RNF149: variants seen among roughly 807,000 people sequenced by gnomAD.
RNF149 encodes the protein E3 ubiquitin-protein ligase RNF149.
Under a neutral mutation model 39.0 loss-of-function variants are expected in RNF149, and 21 were observed. The observed-to-expected ratio is 0.54, with a 90% CI of 0.38 to 0.77. The LOEUF is 0.77. Ranked by LOEUF, RNF149 falls within the 30% of genes least tolerant of loss-of-function variation. The pLI, the probability that RNF149 is intolerant of heterozygous loss-of-function variation, is 0.00. For synonymous variants in RNF149, 209 were observed against 213.6 expected, an observed-to-expected ratio of 0.98 and a Z score of 0.19; for missense variants, 493 against 534.9, an observed-to-expected ratio of 0.92 and a Z score of 0.77.
At chr2:101,290,924 A>T (rs1169059844) in intron 3 of RNF149, among the ~76,000 whole-genome samples, 2 of 152,198 alleles carry the variant, frequency 1.3e-5, no homozygotes, top group Non-Finnish European at 2.9e-5. Context: ...CCAGGGCCAC[A>T]GTGGCCATCT....
chr2:101,308,598 G>A lies in RNF149; in HGVS notation c.-10C>T, dbSNP rs1433108955. 1.3e-6 allele frequency: 2 copies of A among 1,531,124 alleles called. No homozygotes were observed. The highest frequency in any genetic ancestry group is 2.1e-5 in the Admixed American group (1 of 47,416). The allele number at this position is 1,531,124 out of a possible 1,614,324, so 94.8% of individuals were successfully genotyped here. On this transcript the variant is annotated 5_prime_UTR_variant, in exon 1 of 7. Coordinates refer to ENST00000295317, the MANE Select transcript of RNF149 (RefSeq NM_173647.4). ...GCCGCCGCCACGCCATGGCAGCACC[G>A]CTGAGCTGACTAGGGGGAGTCAGGG... is the stretch of plus-strand genomic sequence containing the variant.
intron 3 of RNF149, among the ~76,000 whole-genome samples, chr2:101,292,504 C>T (rs1453292576): frequency 1.3e-5 from 2 of 152,122 alleles, no homozygotes; most frequent in Non-Finnish European, 2.9e-5. Flanking sequence ...TGGTGGCTCA[C>T]GCCTGTAATC....
chr2:101,302,615 G>A (rs964790224), intron 1 of RNF149, among the ~76,000 whole-genome samples: 3 of 152,088 alleles, frequency 2.0e-5, no homozygotes, highest in Admixed American at 6.6e-5. Flanking sequence ...CTGCCACTCA[G>A]AATGTCCTAT....
In RNF149 at chr2:101,276,495, CT is replaced by C; in HGVS notation, c.*742del. On this transcript the variant is annotated 3_prime_UTR_variant, in exon 7 of 7. Transcript: ENST00000295317. ...ATATAACAGATTCTGAGTCTGCCTA[CT>C]CATTTTCCTTAACAAGGCAATGAAG... 3.0e-6 allele frequency: 3 copies of C among 985,740 alleles called. No individual in the cohort carries two copies. The highest frequency in any genetic ancestry group is 3.6e-6 in the Non-Finnish European group (3 of 829,836). 61.1% of individuals were successfully genotyped at this position (985,740 alleles called of 1,614,324 possible).
intron 3 of RNF149, among the ~76,000 whole-genome samples, chr2:101,290,859 T>C (rs1682981154): frequency 6.6e-6 from 1 of 152,170 alleles, no homozygotes; most frequent in Non-Finnish European, 1.5e-5. Context: ...CCCTCCCTAC[T>C]TCTCTGGCTA....
At chr2:101,273,063 A>C (rs1682195979), downstream of RNF149, 1 of 1,357,642 alleles carries the variant, frequency 7.4e-7, no homozygotes, top group Non-Finnish European at 9.8e-7. Flanking sequence ...TGGAGGGAGC[A>C]GTCTTCTGGG....
intron 6 of RNF149, among the ~76,000 whole-genome samples, chr2:101,279,682 A>T (rs1313712087): frequency 6.6e-6 from 1 of 152,218 alleles, no homozygotes; most frequent in Non-Finnish European, 1.5e-5. Context: ...CTACAATTTT[A>T]TAATTCTCTG....
intron 1 of RNF149, among the ~76,000 whole-genome samples, chr2:101,296,725 A>C (rs550276508): frequency 1.3e-5 from 2 of 152,120 alleles, no homozygotes; most frequent in Admixed American, 6.6e-5. Context: ...TAAATTAAAG[A>C]CTTAAGTGTA....
intron 2 of RNF149, chr2:101,294,324 T>C (rs1411564905): frequency 1.6e-5 from 6 of 367,598 alleles, no homozygotes; most frequent in South Asian, 3.5e-5. Flanking sequence ...AACAGCCATA[T>C]GTAACTTTAA....
intron 1 of RNF149, among the ~76,000 whole-genome samples, chr2:101,296,642 G>C (rs1419806199): frequency 6.6e-6 from 1 of 152,110 alleles, no homozygotes; most frequent in African/African-American, 2.4e-5. Flanking sequence ...TGGGGCAACT[G>C]GGTATCATCA....
chr2:101,292,617 T>A (rs1683059043), intron 3 of RNF149, among the ~76,000 whole-genome samples: 1 of 151,944 alleles, frequency 6.6e-6, no homozygotes, highest in African/African-American at 2.4e-5. Flanking sequence ...ATACAAAAAA[T>A]TAGCTGGGCG....
At chr2:101,298,134 T>C (rs1683313722) in intron 1 of RNF149, among the ~76,000 whole-genome samples, 2 of 152,168 alleles carry the variant, frequency 1.3e-5, no homozygotes, top group African/African-American at 2.4e-5. Flanking sequence ...GAGGTATCTA[T>C]AAAGATTTAC....
intron 1 of RNF149, among the ~76,000 whole-genome samples, chr2:101,295,681 T>C (rs1392526122): frequency 6.9e-6 from 1 of 144,256 alleles, no homozygotes; most frequent in African/African-American, 2.6e-5. Flanking sequence ...AAAAAAGAAC[T>C]ATTCCCCCAA....
Position 101,277,269 on chromosome 2 carries a change from C to T in RNF149, c.1172G>A (p.Ser391Asn). 1.2e-6 allele frequency: 2 copies of T among 1,613,050 alleles called. No homozygotes were observed. The highest frequency in any genetic ancestry group is 8.5e-7 in the Non-Finnish European group (1 of 1,179,518). The stretch of plus-strand genomic sequence containing the variant: ...GATGGGTCCTCCATGCCGAGAGTCA[C>T]TCCTGCCGGCTTCTGCAAGAGAGCA... ...ENTALLEAGR[S>N]DSRHGGPIS is the part of the protein sequence containing the mutation. The change falls in exon 7 of 7, where the codon AGT becomes AAT. Residue 391 changes from serine to asparagine, a missense_variant. By Grantham distance (46) the Ser-to-Asn change is conservative. Coordinates refer to ENST00000295317, the MANE Select transcript of RNF149 (RefSeq NM_173647.4).
rs1683636711 is a variant in RNF149, at chr2:101,305,854, T to A, written c.460+2275A>T. On this transcript the variant is annotated intron_variant, in intron 1 of 6. Transcript: ENST00000295317. ...TTCCTCATCTGTATGTACTCCGTGA[T>A]CAAATACCTTCCTTAAAGGCTGTTG... Among the ~76,000 whole-genome samples, 7 of 152,348 alleles carry A rather than the reference T, an allele frequency of 4.6e-5. No individual in the cohort carries two copies. The South Asian group carries it at 1.4e-3, about 32-fold the overall frequency.
At chr2:101,306,735 AGTTGTC>A (rs1405956481) in intron 1 of RNF149, among the ~76,000 whole-genome samples, 10 of 152,204 alleles carry the variant, frequency 6.6e-5, no homozygotes, top group African/African-American at 2.4e-4. Context: ...TTCTTGAAAG[AGTTGTC>A]CTAACAGTCC....
intron 1 of RNF149, among the ~76,000 whole-genome samples, chr2:101,301,570 T>C (rs904183436): frequency 1.3e-5 from 2 of 152,142 alleles, no homozygotes; most frequent in Non-Finnish European, 2.9e-5. Flanking sequence ...CCTCCCAAAG[T>C]GCTAGGATTA....
chr2:101,298,704 T>C (rs1683336505), intron 1 of RNF149, among the ~76,000 whole-genome samples: 1 of 152,070 alleles, frequency 6.6e-6, no homozygotes, highest in Non-Finnish European at 1.5e-5. Flanking sequence ...AAGACCTATA[T>C]GCTCCCATCA....
intron 6 of RNF149, among the ~76,000 whole-genome samples, 174 bp from the exon 7 acceptor site, chr2:101,277,455 T>C (rs1052533975): frequency 2.0e-5 from 3 of 152,198 alleles, no homozygotes; most frequent in Non-Finnish European, 2.9e-5. Context: ...AATGGCACCA[T>C]CTTGGCTCAC....
Sources: gnomAD v4.1 joint callset for allele counts (sites outside exome capture counted in the v4.1 genomes callset) on GRCh38, gnomAD v4.1.1 for gene constraint, MANE v1.5 for transcripts, NCBI Gene and HGNC (gene_info 2026-07-23, HGNC 2026-07-21) for gene names.